Variants in BMERB1 observed in about 807,000 individuals in gnomAD.
BMERB1 encodes bMERB domain-containing protein 1.
Under a neutral mutation model 23.6 loss-of-function variants are expected in BMERB1, and 12 were observed. That is an observed-to-expected ratio of 0.51 (90% confidence interval 0.33 to 0.82). The LOEUF is 0.82. BMERB1 is among the 40% of genes least tolerant of loss of function. The probability of loss-of-function intolerance (pLI) is 0.03; values close to 1 mark genes in which losing one functional copy is unlikely to be tolerated. For synonymous variants in BMERB1, 122 were observed against 96.6 expected (o/e 1.26, Z -1.54); for missense variants, 247 against 255.4 (o/e 0.97, Z 0.22).
chr16:15,497,962 A>G (rs897143242), intron 1 of BMERB1, among the ~76,000 whole-genome samples: 8 of 152,156 alleles, frequency 5.3e-5, no homozygotes, highest in African/African-American at 1.9e-4. Flanking sequence ...AATGTGAGTG[A>G]TAATAGCTAA....
intron 1 of BMERB1, among the ~76,000 whole-genome samples, chr16:15,504,591 G>A (rs2051564712): frequency 6.6e-6 from 1 of 151,860 alleles, no homozygotes; most frequent in African/African-American, 2.4e-5. Flanking sequence ...TGGGACCACA[G>A]CTGTGTGCCA....
chr16:15,583,870 C>A, intron 5 of BMERB1: 1 of 607,440 alleles, frequency 1.6e-6, no homozygotes. Context: ...TGGGGCCCTA[C>A]ATTTTCATAT....
chr16:15,527,342 C>T (rs961824444), intron 2 of BMERB1, among the ~76,000 whole-genome samples: 4 of 152,226 alleles, frequency 2.6e-5, no homozygotes, highest in African/African-American at 2.4e-5. Flanking sequence ...CTGTGGCTCA[C>T]GCCTGTAATC....
intron 2 of BMERB1, among the ~76,000 whole-genome samples, chr16:15,563,957 G>A (rs1312633715): frequency 6.6e-6 from 1 of 152,050 alleles, no homozygotes; most frequent in Non-Finnish European, 1.5e-5. Flanking sequence ...GGGAGGTGGG[G>A]GTGAGTGAGT....
chr16:15,481,536 A>C (rs867049095), intron 1 of BMERB1, among the ~76,000 whole-genome samples: 14 of 151,938 alleles, frequency 9.2e-5, no homozygotes, highest in South Asian at 2.1e-4. Context: ...CAAAAAAAAA[A>C]CCCACCCAGG....
intron 2 of BMERB1, among the ~76,000 whole-genome samples, chr16:15,538,825 G>A (rs2052052250): frequency 6.6e-6 from 1 of 152,162 alleles, no homozygotes; most frequent in Non-Finnish European, 1.5e-5. Context: ...GCCCGACACA[G>A]TTAACCAGAA....
intron 2 of BMERB1, among the ~76,000 whole-genome samples, chr16:15,534,308 A>G (rs796279864): frequency 4.2e-4 from 63 of 150,082 alleles, no homozygotes; most frequent in African/African-American, 1.4e-3. Context: ...AAAAAAAAAA[A>G]AAAAAAAGAA....
intron 1 of BMERB1, among the ~76,000 whole-genome samples, chr16:15,463,281 C>T (rs2051152297): frequency 6.7e-6 from 1 of 148,550 alleles, no homozygotes; most frequent in Non-Finnish European, 1.5e-5. Flanking sequence ...TTTGTAGAGG[C>T]GGGGATCTCA....
At chr16:15,568,723 CAA>C (rs1284536653) in intron 3 of BMERB1, among the ~76,000 whole-genome samples, 3 of 152,146 alleles carry the variant, frequency 2.0e-5, no homozygotes, top group African/African-American at 2.4e-5. Context: ...TATTTGGCCT[CAA>C]GAGTCCAGTA....
chr16:15,482,020 C>T (rs909572834), intron 1 of BMERB1, among the ~76,000 whole-genome samples: 2 of 152,036 alleles, frequency 1.3e-5, no homozygotes, highest in African/African-American at 2.4e-5. Context: ...CATGAGCCAC[C>T]GCGCCTGGCC....
intron 1 of BMERB1, among the ~76,000 whole-genome samples, chr16:15,440,399 TACTG>T (rs1255409398): frequency 6.6e-6 from 1 of 152,076 alleles, no homozygotes; most frequent in Non-Finnish European, 1.5e-5. Context: ...CAAAGTTGTG[TACTG>T]ACTAACAAGC....
intron 2 of BMERB1, among the ~76,000 whole-genome samples, chr16:15,520,528 C>A (rs1015157449): frequency 4.2e-5 from 6 of 143,832 alleles, no homozygotes; most frequent in Non-Finnish European, 7.4e-5. Flanking sequence ...GCCACCCAGG[C>A]TGGAGTGCAG....
intron 3 of BMERB1, among the ~76,000 whole-genome samples, chr16:15,573,002 TG>T (rs1436845539): frequency 6.6e-6 from 1 of 152,184 alleles, no homozygotes; most frequent in Non-Finnish European, 1.5e-5. Context: ...CCCAGCCACG[TG>T]GAACTGTGAG....
At chr16:15,439,320 TGTA>T (rs1197325982) in intron 1 of BMERB1, among the ~76,000 whole-genome samples, 1 of 151,050 alleles carries the variant, frequency 6.6e-6, no homozygotes, top group East Asian at 2.0e-4. Flanking sequence ...TGGGGATAAT[TGTA>T]GTAATGCGCA....
At chr16:15,481,926 T>G (rs1403274117) in intron 1 of BMERB1, among the ~76,000 whole-genome samples, 3 of 151,732 alleles carry the variant, frequency 2.0e-5, no homozygotes, top group Admixed American at 2.0e-4. Flanking sequence ...AGACGGGGTT[T>G]CACTACGTTG....
intron 1 of BMERB1, among the ~76,000 whole-genome samples, chr16:15,447,734 A>T (rs1330753604): frequency 2.6e-5 from 4 of 152,056 alleles, no homozygotes; most frequent in African/African-American, 9.7e-5. Context: ...ATGAGCGTGG[A>T]GATTTCTGGA....
intron 1 of BMERB1, among the ~76,000 whole-genome samples, chr16:15,476,819 G>C (rs1038828092): frequency 6.6e-6 from 1 of 152,182 alleles, no homozygotes; most frequent in African/African-American, 2.4e-5. Flanking sequence ...TACAGGATCA[G>C]CTTCCCACTC....
At chr16:15,580,270 G>T (rs1301331148) in intron 3 of BMERB1, among the ~76,000 whole-genome samples, 3 of 151,938 alleles carry the variant, frequency 2.0e-5, no homozygotes, top group Non-Finnish European at 2.9e-5. Context: ...CTAATTTACA[G>T]AGAAAATTTT....
chr16:15,478,112 A>T (rs1004616839), intron 1 of BMERB1, among the ~76,000 whole-genome samples: 9 of 152,012 alleles, frequency 5.9e-5, no homozygotes, highest in Admixed American at 1.3e-4. Context: ...CTGTTTAAGA[A>T]ATCCTTCTCG....
Sources: gnomAD v4.1 joint callset for allele counts (sites outside exome capture counted in the v4.1 genomes callset) on GRCh38, gnomAD v4.1.1 for gene constraint, MANE v1.5 for transcripts, NCBI Gene and HGNC (gene_info 2026-07-23, HGNC 2026-07-21) for gene names.